Variants in NRG1 observed in about 807,000 individuals in gnomAD.
NRG1 encodes neuregulin 1.
A neutral mutation model predicts 63.8 loss-of-function variants in NRG1; 18 were observed. The observed-to-expected ratio is 0.28, with a 90% CI of 0.19 to 0.42. The LOEUF (loss-of-function observed/expected upper bound fraction) is 0.42, where lower values mean the gene tolerates loss of function less well. Ranked by LOEUF, NRG1 falls within the 10% of genes least tolerant of loss-of-function variation. The probability of loss-of-function intolerance (pLI) is 1.00; values close to 1 mark genes in which losing one functional copy is unlikely to be tolerated. For synonymous variants in NRG1, 302 were observed against 301.3 expected, an observed-to-expected ratio of 1.00 and a Z score of -0.02; for missense variants, 762 against 814.7, an observed-to-expected ratio of 0.94 and a Z score of 0.79.
intron 1 of NRG1, among the ~76,000 whole-genome samples, chr8:32,158,901 C>A (rs1263595396): frequency 5.3e-5 from 8 of 152,064 alleles, no homozygotes; most frequent in Admixed American, 3.9e-4. Context: ...GATGTAAAAT[C>A]CGTGCATCTG....
chr8:32,104,797 A>G (rs781076870), intron 1 of NRG1, among the ~76,000 whole-genome samples: 4 of 152,088 alleles, frequency 2.6e-5, no homozygotes, highest in African/African-American at 4.8e-5. Flanking sequence ...ATCTTGTCCT[A>G]CTGGAAGGTC....
intron 1 of NRG1, among the ~76,000 whole-genome samples, chr8:31,876,951 C>CT (rs1423439842): frequency 3.3e-5 from 5 of 152,258 alleles, no homozygotes; most frequent in Non-Finnish European, 7.4e-5. Context: ...TTTTACACTT[C>CT]TTTTTTTACA....
At chr8:32,005,729 A>G (rs933550132) in intron 1 of NRG1, among the ~76,000 whole-genome samples, 6 of 151,910 alleles carry the variant, frequency 3.9e-5, no homozygotes, top group Non-Finnish European at 7.4e-5. Context: ...CAAAACGTTC[A>G]GCGAGGTGAG....
chr8:32,273,503 A>AT (rs1383517062), intron 1 of NRG1, among the ~76,000 whole-genome samples: 1 of 152,164 alleles, frequency 6.6e-6, no homozygotes, highest in Non-Finnish European at 1.5e-5. Flanking sequence ...ATTTTAGGGG[A>AT]TAAAAAACCT....
intron 1 of NRG1, among the ~76,000 whole-genome samples, chr8:32,034,331 G>T (rs970079753): frequency 2.6e-5 from 4 of 152,132 alleles, no homozygotes; most frequent in African/African-American, 9.7e-5. Context: ...GCTTTTTGAT[G>T]TACTGCTGGA....
rs998099555 is a variant in NRG1 at position 32,193,547 on chromosome 8, C to T, written c.38-402281C>T. Among the ~76,000 whole-genome samples, 6 of 152,108 alleles carry T rather than the reference C, an allele frequency of 3.9e-5. No homozygotes were observed. The South Asian group carries it at 8.3e-4, about 21-fold the overall frequency. On this transcript the variant is annotated intron_variant, in intron 1 of 10. Transcript: ENST00000519301. ...CCGAGGGCTTGTATTCAGAAAAGCA[C>T]GTTAAACCATCGTCAGCAGCATGTG... is the stretch of plus-strand genomic sequence containing the variant.
At chr8:32,251,127 A>G (rs1447704370) in intron 1 of NRG1, among the ~76,000 whole-genome samples, 1 of 151,974 alleles carries the variant, frequency 6.6e-6, no homozygotes, top group Non-Finnish European at 1.5e-5. Flanking sequence ...TTACATAGGC[A>G]TACGCTTGCC....
At chr8:31,762,962 A>G (rs542851567) in intron 1 of NRG1, among the ~76,000 whole-genome samples, 65 of 152,302 alleles carry the variant, frequency 4.3e-4, no homozygotes, top group African/African-American at 1.4e-3. Context: ...AGAAAATTAA[A>G]CCCAGTGATA....
intron 1 of NRG1, among the ~76,000 whole-genome samples, chr8:32,556,662 AT>A (rs1184647474): frequency 2.6e-5 from 4 of 152,232 alleles, no homozygotes; most frequent in Non-Finnish European, 5.9e-5. Flanking sequence ...GTTTTAATGT[AT>A]GAATTTTATC....
intron 1 of NRG1, among the ~76,000 whole-genome samples, chr8:31,735,013 G>A (rs1225254076): frequency 6.6e-6 from 1 of 152,084 alleles, no homozygotes; most frequent in African/African-American, 2.4e-5. Flanking sequence ...CCTGGACACA[G>A]GCTAAAAGCT....
chr8:31,674,219 G>A (rs1203207269), intron 1 of NRG1, among the ~76,000 whole-genome samples: 2 of 152,084 alleles, frequency 1.3e-5, no homozygotes, highest in Non-Finnish European at 2.9e-5. Flanking sequence ...TGACTATTAT[G>A]GCTAGTGTGT....
chr8:31,863,064 C>T (rs1255777891), intron 1 of NRG1, among the ~76,000 whole-genome samples: 1 of 152,138 alleles, frequency 6.6e-6, no homozygotes, highest in Non-Finnish European at 1.5e-5. Context: ...ACATAGGTAT[C>T]CAGAAATCAT....
At chr8:32,366,023 T>C (rs76408298) in intron 1 of NRG1, among the ~76,000 whole-genome samples, 8,766 of 152,262 alleles carry the variant, frequency 0.058, 323 homozygotes, top group Middle Eastern at 0.099. Context: ...TTTTTAACAT[T>C]GGATGAGGTC....
chr8:31,639,927 G>T, intron 1 of NRG1: 1 of 1,117,844 alleles, frequency 8.9e-7, no homozygotes, highest in Non-Finnish European at 1.1e-6. Flanking sequence ...GGGAGGCAGC[G>T]CGAGAGAGCC....
chr8:32,443,417 A>C (rs1240249787), intron 1 of NRG1, among the ~76,000 whole-genome samples: 2 of 152,174 alleles, frequency 1.3e-5, no homozygotes, highest in Non-Finnish European at 2.9e-5. Context: ...TAAGTAAAGA[A>C]ATAGTAGACT....
chr8:32,337,687 A>T (rs1486831894), intron 1 of NRG1, among the ~76,000 whole-genome samples: 17 of 122,058 alleles, frequency 1.4e-4, no homozygotes, highest in Middle Eastern at 4.4e-3. Flanking sequence ...AAAAAAGCTG[A>T]TGCAGTTAGG....
At chr8:32,599,572 T>C (rs1354544240) in intron 2 of NRG1, among the ~76,000 whole-genome samples, 1 of 152,238 alleles carries the variant, frequency 6.6e-6, no homozygotes, top group East Asian at 1.9e-4. Flanking sequence ...CCTTTGTTTA[T>C]TTGGCTAACC....
intron 1 of NRG1, among the ~76,000 whole-genome samples, chr8:32,382,216 T>G (rs372921599): frequency 3.9e-5 from 6 of 152,134 alleles, no homozygotes; most frequent in African/African-American, 1.4e-4. Context: ...GGTGACAAAT[T>G]TAGCAGGTGT....
chr8:32,664,143 A>G (rs1295703211), intron 5 of NRG1, among the ~76,000 whole-genome samples: 1 of 152,146 alleles, frequency 6.6e-6, no homozygotes, highest in Non-Finnish European at 1.5e-5. Flanking sequence ...GTTCTCTACA[A>G]GGCCCTGGGT....
Sources: gnomAD v4.1 joint callset for allele counts (sites outside exome capture counted in the v4.1 genomes callset) on GRCh38, gnomAD v4.1.1 for gene constraint, MANE v1.5 for transcripts, NCBI Gene and HGNC (gene_info 2026-07-23, HGNC 2026-07-21) for gene names.